JAKMIP1: variants seen among roughly 807,000 people sequenced by gnomAD.
JAKMIP1 encodes janus kinase and microtubule interacting protein 1, also known as janus kinase and microtubule-interacting protein 1.
A neutral mutation model predicts 113.0 loss-of-function variants in JAKMIP1; 33 were observed. The ratio of observed to expected loss-of-function variants is 0.29; its 90% CI spans 0.22 to 0.39. The LOEUF is 0.39. JAKMIP1 is among the 10% of genes least tolerant of loss of function. The pLI is 1.00. For missense variants in JAKMIP1, 813 were observed against 1,080.5 expected (o/e 0.75, Z 3.47); for synonymous variants, 480 against 459.9 (o/e 1.04, Z -0.56).
At chr4:6,171,274 A>G (rs1443012029) in intron 1 of JAKMIP1, among the ~76,000 whole-genome samples, 3 of 148,850 alleles carry the variant, frequency 2.0e-5, no homozygotes, top group Non-Finnish European at 4.5e-5. Context: ...CACTGTCCTC[A>G]TCAATGTCAT....
In JAKMIP1 at chr4:6,197,915, C is replaced by T. The variant is rs989905416; in HGVS notation, c.-148+2338G>A. ...TCCCACAGCCCAATCCACCCTTACA[C>T]ACCAAGAGAGTGGGGCCACGGTCCT... is the stretch of plus-strand genomic sequence containing the variant. On this transcript the variant is annotated intron_variant, in intron 1 of 20. Coordinates refer to ENST00000409021, the MANE Select transcript of JAKMIP1 (RefSeq NM_001099433.2). This position sits in a 1 kb window ranked among gnomAD's most constrained non-coding sequence, Gnocchi z 6.5. Among the ~76,000 whole-genome samples, 2 of 152,252 alleles carry T rather than the reference C, an allele frequency of 1.3e-5. No individual in the cohort carries two copies. The highest frequency in any genetic ancestry group is 2.9e-5 in the Non-Finnish European group (2 of 68,032).
chr4:6,191,884 T>G (rs1727293579), intron 1 of JAKMIP1, among the ~76,000 whole-genome samples: 1 of 146,722 alleles, frequency 6.8e-6, no homozygotes, highest in African/African-American at 2.5e-5. Context: ...ATTCCGTTTT[T>G]TTCATACGTC....
chr4:6,125,407 A>G (rs1717271831), intron 1 of JAKMIP1, among the ~76,000 whole-genome samples: 1 of 152,096 alleles, frequency 6.6e-6, no homozygotes, highest in Non-Finnish European at 1.5e-5. Flanking sequence ...CCACTCTCCC[A>G]GCTCCATCTA....
chr4:6,092,048 G>A (rs758425415), intron 3 of JAKMIP1, among the ~76,000 whole-genome samples: 4 of 152,128 alleles, frequency 2.6e-5, no homozygotes, highest in Admixed American at 6.5e-5. Context: ...TTGAGGGTGC[G>A]GAATAAATGA....
Position 6,105,532 on chromosome 4 carries a change from C to T in JAKMIP1, c.565G>A (p.Ala189Thr), listed in dbSNP as rs781528337. The change falls in exon 3 of 21, where the codon GCG becomes ACG. Residue 189 changes from alanine to threonine, a missense_variant. Physicochemically the swap from Ala to Thr is moderately conservative, Grantham distance 58 (BLOSUM62 0). Coordinates refer to ENST00000409021, the MANE Select transcript of JAKMIP1 (RefSeq NM_001099433.2). The stretch of plus-strand genomic sequence containing the variant: ...ATGCGGTGCACCTCGTCTTGGTGCG[C>T]CTGGTAGGCGGCACGCAGGTCGGCT... Reference protein sequence around the residue: ...KAADLRAAYQAHQDEVHRIKR... With the variant: ...KAADLRAAYQTHQDEVHRIKR... The T allele has an allele frequency of 3.1e-6, 5 of 1,608,194 alleles. No homozygotes were observed.
At position 6,153,595 on chromosome 4, in the gene JAKMIP1, A is replaced by G. The variant is rs1721873540; in HGVS notation, c.-147-40598T>C. Among the ~76,000 whole-genome samples the G allele has an allele frequency of 6.6e-6, 1 of 152,204 alleles. No homozygotes were observed. Among genetic ancestry groups the G allele is most frequent in the Non-Finnish European group, 1.5e-5 (1 of 68,034 alleles). Reference sequence around the variant, plus strand: ...AGAGGGTGCACCTCAGACAGCCCTGACAATCTGGAGAGAGAACGTTTTGTG... The same window carrying G: ...AGAGGGTGCACCTCAGACAGCCCTGGCAATCTGGAGAGAGAACGTTTTGTG... On this transcript the variant is annotated intron_variant, in intron 1 of 20. Coordinates refer to ENST00000409021, the MANE Select transcript of JAKMIP1 (RefSeq NM_001099433.2). The surrounding 1 kb of genome is among the most constrained non-coding windows in gnomAD (Gnocchi z 4.9).
chr4:6,063,964 G>C (rs1055296777), intron 9 of JAKMIP1, among the ~76,000 whole-genome samples: 1 of 152,214 alleles, frequency 6.6e-6, no homozygotes, highest in African/African-American at 2.4e-5. Flanking sequence ...CGATCCACCT[G>C]CCCCTGCCGG....
At chr4:6,163,921 TAA>T (rs1248455454) in intron 1 of JAKMIP1, among the ~76,000 whole-genome samples, 2 of 152,136 alleles carry the variant, frequency 1.3e-5, no homozygotes, top group African/African-American at 4.8e-5. Flanking sequence ...AGCTGCAGAA[TAA>T]AAGTCTGAAA....
At chr4:6,085,807 C>T (rs1358233321) in intron 3 of JAKMIP1, among the ~76,000 whole-genome samples, 178 bp from the exon 4 acceptor site, 2 of 152,186 alleles carry the variant, frequency 1.3e-5, no homozygotes, top group Non-Finnish European at 2.9e-5. Context: ...GGCTTGTTCC[C>T]CGTCACTCCC....
At chr4:6,092,246 G>T (rs189372798) in intron 3 of JAKMIP1, among the ~76,000 whole-genome samples, 1 of 152,248 alleles carries the variant, frequency 6.6e-6, no homozygotes, top group Non-Finnish European at 1.5e-5. Context: ...TGCATGCAGA[G>T]GAGCCCTGTA....
In JAKMIP1 at chr4:6,088,764, A is replaced by G. The variant is rs16838260; in HGVS notation, c.625-3135T>C. On this transcript the variant is annotated intron_variant, in intron 3 of 20. Transcript: ENST00000409021. This position sits in a 1 kb window ranked among gnomAD's most constrained non-coding sequence, Gnocchi z 5.5. ...CACAAGCTGAGCTCTTAGTGATCCTATCTCGCTGCCCTTGGGATGCTGATG... is the reference window on the plus strand; with the variant it reads ...CACAAGCTGAGCTCTTAGTGATCCTGTCTCGCTGCCCTTGGGATGCTGATG... Among the ~76,000 whole-genome samples the G allele has an allele frequency of 0.023, 3,450 of 152,226 alleles. 133 individuals carry two copies. The highest frequency in any genetic ancestry group is 0.076 in the African/African-American group (3,173 of 41,522).
At chr4:6,109,566 G>A (rs1482637380) in intron 2 of JAKMIP1, among the ~76,000 whole-genome samples, 2 of 151,932 alleles carry the variant, frequency 1.3e-5, no homozygotes, top group East Asian at 1.9e-4. Flanking sequence ...CAGGGCTGCT[G>A]TATTGCTGGT....
chr4:6,139,055 AACACACACACAC>A lies in JAKMIP1; in HGVS notation c.-147-26070_-147-26059del, dbSNP rs71984154. Among the ~76,000 whole-genome samples the A allele has an allele frequency of 9.7e-6, 1 of 103,422 alleles. No individual in the cohort carries two copies. Among genetic ancestry groups the A allele is most frequent in the Non-Finnish European group, 2.3e-5 (1 of 43,374 alleles). The allele number at this position is 103,422 out of a possible 152,430, so 67.8% of individuals were successfully genotyped here. On this transcript the variant is annotated intron_variant, in intron 1 of 20. Transcript: ENST00000409021. The surrounding 1 kb of genome is among the most constrained non-coding windows in gnomAD (Gnocchi z 5.2). ...ATTGTTTGCATGTGACATCATTAGA[AACACACACACAC>A]ACACACACACACACACATATACACA... is the stretch of plus-strand genomic sequence containing the variant.
intron 18 of JAKMIP1, among the ~76,000 whole-genome samples, chr4:6,036,424 C>T (rs770874658): frequency 9.9e-5 from 15 of 152,230 alleles, no homozygotes; most frequent in Non-Finnish European, 2.9e-5. Context: ...GTGCAATTCA[C>T]CTGGGTTTTA....
At chr4:6,112,697 C>A in intron 2 of JAKMIP1, 25 bp downstream of exon 2, 1 of 1,610,642 alleles carries the variant, frequency 6.2e-7, no homozygotes, top group Non-Finnish European at 8.5e-7. Flanking sequence ...AGCCCAGCCG[C>A]TGCTGAGCTG....
chr4:6,097,720 TAAG>T lies in JAKMIP1; in HGVS notation c.624+7750_624+7752del, dbSNP rs1712064574. ...CCCCATTTTGCAACAAAAAATGCAA[TAAG>T]AAGCGTTCATTCTCATCATCATTTG... On this transcript the variant is annotated intron_variant, in intron 3 of 20. Transcript: ENST00000409021. This position sits in a 1 kb window ranked among gnomAD's most constrained non-coding sequence, Gnocchi z 4.3. Among the ~76,000 whole-genome samples, 1 of 152,170 alleles carries T rather than the reference TAAG, an allele frequency of 6.6e-6. No homozygotes were observed. The highest frequency in any genetic ancestry group is 1.5e-5 in the Non-Finnish European group (1 of 68,024).
chr4:6,042,176 C>G lies in JAKMIP1; in HGVS notation c.2080G>C (p.Asp694His). ...TCTTTTACCTTCTCCTTCTCCAGGTCCAGCATCTTCTGGGTCAGGGCGGCC... is the reference window on the plus strand; with the variant it reads ...TCTTTTACCTTCTCCTTCTCCAGGTGCAGCATCTTCTGGGTCAGGGCGGCC... Reference protein sequence around the residue: ...TEAALTQKMLDLEKEKDLFSR... With the variant: ...TEAALTQKMLHLEKEKDLFSR... Residue 694 changes from aspartate to histidine, a missense_variant, in exon 17 of 21, where the codon GAC (aspartate) becomes CAC (histidine). By Grantham distance (81) the Asp-to-His change is moderately conservative. Transcript: ENST00000409021. This position sits in a 1 kb window ranked among gnomAD's most constrained non-coding sequence, Gnocchi z 5.2. The G allele has an allele frequency of 6.2e-7, 1 of 1,613,852 alleles. No homozygotes were observed. Among genetic ancestry groups the G allele is most frequent in the Non-Finnish European group, 8.5e-7 (1 of 1,179,806 alleles).
Position 6,081,014 on chromosome 4 carries a change from C to CACACACACACACACA in JAKMIP1, c.1101+594_1101+595insTGTGTGTGTGTGTGT, listed in dbSNP as rs1553821445. ...ACACACACACACACACACACACACA[C>CACACACACACACACA]CTGCATCTGCTACAGTGCAGACAGC... On this transcript the variant is annotated intron_variant, in intron 6 of 20. Coordinates refer to ENST00000409021, the MANE Select transcript of JAKMIP1 (RefSeq NM_001099433.2). This position sits in a 1 kb window ranked among gnomAD's most constrained non-coding sequence, Gnocchi z 4.6. 5.9e-5 allele frequency among the ~76,000 whole-genome samples: 9 copies of CACACACACACACACA among 151,334 alleles called. No individual in the cohort carries two copies. Among genetic ancestry groups the CACACACACACACACA allele is most frequent in the South Asian group, 2.1e-4 (1 of 4,714 alleles).
At chr4:6,100,567 G>A (rs1328171675) in intron 3 of JAKMIP1, among the ~76,000 whole-genome samples, 1 of 152,138 alleles carries the variant, frequency 6.6e-6, no homozygotes, top group Non-Finnish European at 1.5e-5. Context: ...ATAGATATGT[G>A]TTTTCATTTC....
Sources: allele counts gnomAD v4.1 joint callset (sites outside exome capture counted in the v4.1 genomes callset), GRCh38; gene constraint gnomAD v4.1.1; non-coding constraint Gnocchi (gnomAD v3.1); transcripts MANE v1.5; gene names NCBI Gene and HGNC (gene_info 2026-07-23, HGNC 2026-07-21).